Variants in DCC observed in about 807,000 individuals in gnomAD.
The protein encoded by DCC is netrin receptor DCC.
Under a neutral mutation model 172.5 loss-of-function variants are expected in DCC, and 58 were observed. The ratio of observed to expected loss-of-function variants is 0.34; its 90% CI spans 0.27 to 0.42. DCC has a LOEUF of 0.42. Among genes scored for constraint, DCC ranks in the 10% least tolerant of loss-of-function variants. The probability of loss-of-function intolerance (pLI) is 1.00; values close to 1 mark genes in which losing one functional copy is unlikely to be tolerated. For missense variants in DCC, 1,740 were observed against 1,791.0 expected (o/e 0.97, Z 0.51); for synonymous variants, 709 against 644.5 (o/e 1.10, Z -1.52).
At chr18:53,414,488 T>A (rs1374244896) in intron 20 of DCC, among the ~76,000 whole-genome samples, 1 of 152,188 alleles carries the variant, frequency 6.6e-6, no homozygotes, top group African/African-American at 2.4e-5. Context: ...ACATTAAATA[T>A]GGGCAGCTTT....
At chr18:53,205,012 A>C (rs1218076014) in intron 9 of DCC, among the ~76,000 whole-genome samples, 1 of 152,162 alleles carries the variant, frequency 6.6e-6, no homozygotes, top group African/African-American at 2.4e-5. Flanking sequence ...ATTTTGGTTA[A>C]TGTAAGCTTT....
rs1203653562 is a variant in DCC, at chr18:52,610,202, T to A, written c.92-141852T>A. Among the ~76,000 whole-genome samples the A allele has an allele frequency of 1.3e-3, 72 of 56,698 alleles. 6 individuals carry two copies. Among genetic ancestry groups the A allele is most frequent in the Non-Finnish European group, 1.8e-3 (57 of 31,736 alleles). The allele number at this position is 56,698 out of a possible 152,430, so 37.2% of individuals were successfully genotyped here. A position where few individuals can be genotyped will look rare whatever the true frequency, so the allele number is the denominator to read the frequency against. The stretch of plus-strand genomic sequence containing the variant: ...AAATATATATATATATATATATATA[T>A]ATATATATATATATATATATATATA... On this transcript the variant is annotated intron_variant, in intron 1 of 28. Transcript: ENST00000442544.
chr18:53,330,402 G>A (rs571692019), intron 14 of DCC, among the ~76,000 whole-genome samples: 2 of 152,140 alleles, frequency 1.3e-5, no homozygotes, highest in South Asian at 4.2e-4. Flanking sequence ...TCTACCTTCA[G>A]AATGGATTTG....
chr18:53,166,199 A>G (rs749391117), intron 8 of DCC, among the ~76,000 whole-genome samples: 4 of 152,144 alleles, frequency 2.6e-5, no homozygotes, highest in African/African-American at 4.8e-5. Context: ...GGTTTCTGGT[A>G]TATTCCAGTG....
At chr18:53,369,289 G>A (rs1169656347) in intron 15 of DCC, among the ~76,000 whole-genome samples, 15 of 151,684 alleles carry the variant, frequency 9.9e-5, no homozygotes, top group Non-Finnish European at 1.5e-4. Flanking sequence ...TGCTAAATTC[G>A]TGTATTTGCT....
chr18:52,785,186 C>G (rs2037632998), intron 2 of DCC, among the ~76,000 whole-genome samples: 2 of 151,960 alleles, frequency 1.3e-5, no homozygotes, highest in African/African-American at 4.8e-5. Flanking sequence ...AAGATTGGCA[C>G]CATTTGCTCT....
At chr18:53,222,139 G>A (rs1348867410) in intron 12 of DCC, among the ~76,000 whole-genome samples, 1 of 152,022 alleles carries the variant, frequency 6.6e-6, no homozygotes, top group East Asian at 1.9e-4. Flanking sequence ...AATGAATAAA[G>A]ATCAACCATG....
intron 2 of DCC, among the ~76,000 whole-genome samples, chr18:52,782,479 G>T (rs1290140480): frequency 6.6e-6 from 1 of 151,986 alleles, no homozygotes; most frequent in African/African-American, 2.4e-5. Flanking sequence ...CCTACCCTAA[G>T]ATTGCTTCTG....
intron 1 of DCC, among the ~76,000 whole-genome samples, chr18:52,527,807 AC>A (rs1306771194): frequency 2.0e-5 from 3 of 152,198 alleles, no homozygotes; most frequent in Non-Finnish European, 4.4e-5. Context: ...AAATTACTAT[AC>A]CTATTTGGCA....
intron 5 of DCC, among the ~76,000 whole-genome samples, chr18:53,021,838 G>C (rs1298241681): frequency 6.6e-6 from 1 of 152,172 alleles, no homozygotes; most frequent in Non-Finnish European, 1.5e-5. Flanking sequence ...ACCTTAATTA[G>C]TATTTTGGGA....
chr18:52,838,048 C>A (rs1163772887), intron 2 of DCC, among the ~76,000 whole-genome samples: 2 of 152,138 alleles, frequency 1.3e-5, no homozygotes, highest in Admixed American at 6.5e-5. Flanking sequence ...GGGGAAACCA[C>A]CCCCATGATT....
intron 15 of DCC, among the ~76,000 whole-genome samples, chr18:53,357,467 T>C (rs1047727419): frequency 6.6e-6 from 1 of 152,142 alleles, no homozygotes; most frequent in African/African-American, 2.4e-5. Flanking sequence ...ACATTTAAAA[T>C]TGGAAAAATC....
chr18:52,698,748 G>A (rs971973402), intron 1 of DCC, among the ~76,000 whole-genome samples: 8 of 144,512 alleles, frequency 5.5e-5, no homozygotes, highest in South Asian at 4.5e-4. Context: ...ACAGGCTCCC[G>A]CCACCACGCC....
chr18:52,733,915 G>C (rs1011991991), intron 1 of DCC, among the ~76,000 whole-genome samples: 1 of 151,932 alleles, frequency 6.6e-6, no homozygotes, highest in East Asian at 1.9e-4. Flanking sequence ...AAGCATAAGA[G>C]TATATTATAC....
In DCC at chr18:52,678,434, A is replaced by G. The variant is rs375759434; in HGVS notation, c.92-73620A>G. On this transcript the variant is annotated intron_variant, in intron 1 of 28. Coordinates refer to ENST00000442544, the MANE Select transcript of DCC (RefSeq NM_005215.4). Reference sequence around the variant, plus strand: ...TTTTGCCATTAATCTTAATAAGGATATAAGATTTACTTTCTTTGTTGTTGC... The same window carrying G: ...TTTTGCCATTAATCTTAATAAGGATGTAAGATTTACTTTCTTTGTTGTTGC... 5.3e-5 allele frequency among the ~76,000 whole-genome samples: 8 copies of G among 152,314 alleles called. No homozygotes were observed. In the East Asian group the frequency reaches 7.7e-4, roughly 15 times the overall value.
chr18:53,360,942 A>G (rs1488497350), intron 15 of DCC, among the ~76,000 whole-genome samples: 1 of 152,154 alleles, frequency 6.6e-6, no homozygotes, highest in Non-Finnish European at 1.5e-5. Context: ...CGGTATGTGC[A>G]TGTTCTAACC....
At chr18:52,474,142 C>T (rs570427043) in intron 1 of DCC, among the ~76,000 whole-genome samples, 15 of 150,674 alleles carry the variant, frequency 1.0e-4, no homozygotes, top group Non-Finnish European at 1.9e-4. Flanking sequence ...CTTCCTTAAG[C>T]TACATTAACA....
At chr18:53,506,048 C>G (rs761094448) in intron 27 of DCC, among the ~76,000 whole-genome samples, 59 of 152,136 alleles carry the variant, frequency 3.9e-4, no homozygotes, top group Non-Finnish European at 7.4e-4. Flanking sequence ...AAATGTATAT[C>G]TACCTGAGAA....
At chr18:52,576,020 A>C (rs760695189) in intron 1 of DCC, among the ~76,000 whole-genome samples, 1 of 152,174 alleles carries the variant, frequency 6.6e-6, no homozygotes, top group African/African-American at 2.4e-5. Context: ...TGAAGAGGAG[A>C]TTGTTATGGC....
Sources: gnomAD v4.1 joint callset for allele counts (sites outside exome capture counted in the v4.1 genomes callset) on GRCh38, gnomAD v4.1.1 for gene constraint, MANE v1.5 for transcripts, NCBI Gene and HGNC (gene_info 2026-07-23, HGNC 2026-07-21) for gene names.